PACRG: variants seen among roughly 807,000 people sequenced by gnomAD.
The protein encoded by PACRG is parkin coregulated gene protein.
A neutral mutation model predicts 29.7 loss-of-function variants in PACRG; 29 were observed. The observed-to-expected ratio is 0.98, with a 90% CI of 0.73 to 1.33. PACRG has a LOEUF of 1.33. PACRG is among the 40% of genes most tolerant of loss of function. PACRG has a pLI of 0.00. For missense variants in PACRG, 279 were observed against 316.2 expected (o/e 0.88, Z 0.89); for synonymous variants, 116 against 118.7 (o/e 0.98, Z 0.15).
At chr6:162,727,530 G>A, upstream of PACRG, 1 of 1,033,410 alleles carries the variant, frequency 9.7e-7, no homozygotes. Flanking sequence ...CGCGGGCCGG[G>A]GACGGCACGG....
chr6:163,050,108 T>C (rs557120318), intron 2 of PACRG, among the ~76,000 whole-genome samples: 1 of 152,156 alleles, frequency 6.6e-6, no homozygotes, highest in Non-Finnish European at 1.5e-5. Context: ...TTATTATTGC[T>C]TACATATTTG....
chr6:163,244,785 T>C lies in PACRG; in HGVS notation c.614-70042T>C, dbSNP rs569644565. Among the ~76,000 whole-genome samples the C allele has an allele frequency of 6.6e-5, 10 of 152,340 alleles. No homozygotes were observed. The South Asian group carries it at 1.2e-3, about 19-fold the overall frequency. On this transcript the variant is annotated intron_variant, in intron 4 of 4. Coordinates refer to ENST00000366888, the MANE Select transcript of PACRG (RefSeq NM_001080379.2). Reference sequence around the variant, plus strand: ...AGAATAAAAGTGAGCAGTACTAAAATGAAAGTGTTTTTTAAACAATAATGG... The same window carrying C: ...AGAATAAAAGTGAGCAGTACTAAAACGAAAGTGTTTTTTAAACAATAATGG...
At chr6:162,880,095 C>G (rs536339483) in intron 2 of PACRG, among the ~76,000 whole-genome samples, 31 of 152,254 alleles carry the variant, frequency 2.0e-4, no homozygotes, top group Non-Finnish European at 2.2e-4. Flanking sequence ...TCCAACACCC[C>G]CTTCTGTGGA....
intron 2 of PACRG, among the ~76,000 whole-genome samples, chr6:162,859,042 G>A (rs1394367000): frequency 6.6e-6 from 1 of 152,076 alleles, no homozygotes; most frequent in Non-Finnish European, 1.5e-5. Flanking sequence ...ATCATGTTCT[G>A]AACCCCAAAA....
At chr6:163,115,554 G>T (rs778535856) in intron 4 of PACRG, among the ~76,000 whole-genome samples, 1 of 152,078 alleles carries the variant, frequency 6.6e-6, no homozygotes, top group Non-Finnish European at 1.5e-5. Context: ...GAGATAGTTT[G>T]TGTGAAAGAT....
intron 2 of PACRG, among the ~76,000 whole-genome samples, chr6:162,924,291 A>G (rs974217671): frequency 6.6e-6 from 1 of 152,030 alleles, no homozygotes; most frequent in African/African-American, 2.4e-5. Flanking sequence ...TTTTTGGTAG[A>G]GTTTTAATGT....
chr6:162,812,692 A>G (rs1378995186), intron 1 of PACRG, among the ~76,000 whole-genome samples: 9 of 152,124 alleles, frequency 5.9e-5, no homozygotes, highest in Admixed American at 5.9e-4. Flanking sequence ...AGTTTCCATG[A>G]TAGTAATATA....
chr6:162,943,516 A>G (rs774239336), intron 2 of PACRG, among the ~76,000 whole-genome samples: 2 of 152,104 alleles, frequency 1.3e-5, no homozygotes, highest in African/African-American at 2.4e-5. Context: ...TGCTCTCCTC[A>G]GTAGCAGGGC....
intron 2 of PACRG, among the ~76,000 whole-genome samples, chr6:162,901,228 T>A (rs1412231637): frequency 3.3e-5 from 5 of 152,134 alleles, no homozygotes; most frequent in African/African-American, 9.7e-5. Context: ...CCGAAGCAGG[T>A]ATATATTGGT....
At chr6:163,101,593 C>A in intron 4 of PACRG, 1 of 219,988 alleles carries the variant, frequency 4.5e-6, no homozygotes, top group Non-Finnish European at 7.7e-6. Flanking sequence ...TGATGACCAA[C>A]TAAAATTTCT....
intron 4 of PACRG, among the ~76,000 whole-genome samples, chr6:163,097,410 T>C (rs1814696275): frequency 6.6e-6 from 1 of 152,166 alleles, no homozygotes; most frequent in Non-Finnish European, 1.5e-5. Context: ...GAATGGCTTG[T>C]GTAAGAGAAT....
chr6:163,203,726 G>C (rs1780797718), intron 4 of PACRG, among the ~76,000 whole-genome samples: 1 of 152,160 alleles, frequency 6.6e-6, no homozygotes, highest in Non-Finnish European at 1.5e-5. Flanking sequence ...AGGGCAACAG[G>C]CAGTATACCA....
chr6:162,814,371 A>G (rs181622640), intron 2 of PACRG, 90 bp downstream of exon 2: 1 of 1,496,628 alleles, frequency 6.7e-7, no homozygotes, highest in East Asian at 2.3e-5. Flanking sequence ...AAGTAAATAA[A>G]CTGGAGTCAT....
intron 1 of PACRG, among the ~76,000 whole-genome samples, chr6:162,788,393 A>T (rs1039350867): frequency 4.0e-5 from 6 of 149,746 alleles, no homozygotes; most frequent in African/African-American, 1.4e-4. Context: ...GATATACCAC[A>T]GTTTATTTAT....
chr6:163,284,023 G>A lies in PACRG; in HGVS notation c.614-30804G>A, dbSNP rs1007463965. Among the ~76,000 whole-genome samples, 3 of 151,874 alleles carry A rather than the reference G, an allele frequency of 2.0e-5. No homozygotes were observed. In the East Asian group the frequency reaches 5.8e-4, roughly 29 times the overall value. On this transcript the variant is annotated intron_variant, in intron 4 of 4. Coordinates refer to ENST00000366888, the MANE Select transcript of PACRG (RefSeq NM_001080379.2). ...AGCTACTTGGGAGACTGAGGCAGGA[G>A]AATCGCTCAAACCCAAGAGGCAGAG...
intron 2 of PACRG, among the ~76,000 whole-genome samples, chr6:162,896,095 G>C (rs939807064): frequency 2.6e-5 from 4 of 152,154 alleles, no homozygotes; most frequent in African/African-American, 9.7e-5. Context: ...AAGCCGAAAG[G>C]ATCACTGATT....
intron 4 of PACRG, among the ~76,000 whole-genome samples, chr6:163,150,188 G>T (rs1778021209): frequency 6.6e-6 from 1 of 152,190 alleles, no homozygotes; most frequent in African/African-American, 2.4e-5. Flanking sequence ...CTTAACCTGC[G>T]CCTCAGTTTG....
intron 2 of PACRG, among the ~76,000 whole-genome samples, chr6:162,852,001 G>GGAAGGAAGGA (rs1554291923): frequency 0.032 from 3,158 of 99,808 alleles, 52 homozygotes; most frequent in Non-Finnish European, 0.035. Context: ...GGGAGGGAGG[G>GGAAGGAAGGA]AGGGAGGAAG....
intron 1 of PACRG, among the ~76,000 whole-genome samples, chr6:162,809,053 G>A (rs1473921486): frequency 6.6e-6 from 1 of 151,624 alleles, no homozygotes; most frequent in East Asian, 1.9e-4. Flanking sequence ...GGATTATATG[G>A]AATAAATTAT....
Sources: allele counts gnomAD v4.1 joint callset (sites outside exome capture counted in the v4.1 genomes callset), GRCh38; gene constraint gnomAD v4.1.1; transcripts MANE v1.5; gene names NCBI Gene and HGNC (gene_info 2026-07-23, HGNC 2026-07-21).